Variants in PPP2R5A observed in about 807,000 individuals in gnomAD.
The protein encoded by PPP2R5A is serine/threonine-protein phosphatase 2A 56 kDa regulatory subunit alpha isoform.
A neutral mutation model predicts 64.2 loss-of-function variants in PPP2R5A; 25 were observed. The observed-to-expected ratio is 0.39, with a 90% CI of 0.28 to 0.54. The LOEUF (loss-of-function observed/expected upper bound fraction) is 0.54, where lower values mean the gene tolerates loss of function less well. Ranked by LOEUF, PPP2R5A falls within the 20% of genes least tolerant of loss-of-function variation. The probability of loss-of-function intolerance (pLI) is 0.67; values close to 1 mark genes in which losing one functional copy is unlikely to be tolerated. For missense variants in PPP2R5A, 425 were observed against 576.3 expected (o/e 0.74, Z 2.69); for synonymous variants, 198 against 201.2 (o/e 0.98, Z 0.13).
intron 2 of PPP2R5A, 115 bp from the exon 3 acceptor site, chr1:212,333,382 A>T (rs1012652000): frequency 1.5e-5 from 8 of 550,360 alleles, no homozygotes; most frequent in Non-Finnish European, 2.1e-5. Flanking sequence ...CAGATTTTGA[A>T]CTAAGCTTAC....
intron 1 of PPP2R5A, among the ~76,000 whole-genome samples, chr1:212,295,644 G>C (rs925259522): frequency 6.6e-6 from 1 of 152,168 alleles, no homozygotes; most frequent in Non-Finnish European, 1.5e-5. Flanking sequence ...AGCTGGAGTG[G>C]AGGCCAAAGA....
At chr1:212,315,454 G>A (rs909610843) in intron 1 of PPP2R5A, among the ~76,000 whole-genome samples, 2 of 152,154 alleles carry the variant, frequency 1.3e-5, no homozygotes, top group Admixed American at 1.3e-4. Flanking sequence ...ACCCAAACTT[G>A]TCTTAAAGAC....
At chr1:212,360,206 G>A (rs1394884518) in intron 12 of PPP2R5A, among the ~76,000 whole-genome samples, 1 of 152,194 alleles carries the variant, frequency 6.6e-6, no homozygotes, top group African/African-American at 2.4e-5. Context: ...CTAGAGATGT[G>A]GCTGTTAGTG....
At chr1:212,330,074 T>C (rs1470732535) in intron 2 of PPP2R5A, among the ~76,000 whole-genome samples, 2 of 152,134 alleles carry the variant, frequency 1.3e-5, no homozygotes, top group Non-Finnish European at 2.9e-5. Context: ...AGTTATAATA[T>C]CTGATGTGGA....
chr1:212,312,878 T>G (rs1159220959), intron 1 of PPP2R5A, among the ~76,000 whole-genome samples: 1 of 152,218 alleles, frequency 6.6e-6, no homozygotes, highest in Non-Finnish European at 1.5e-5. Flanking sequence ...TGAGATATTT[T>G]GATAATGTGG....
At chr1:212,310,451 G>T (rs1659007995) in intron 1 of PPP2R5A, among the ~76,000 whole-genome samples, 1 of 152,098 alleles carries the variant, frequency 6.6e-6, no homozygotes, top group Non-Finnish European at 1.5e-5. Context: ...TTGTAAAGAA[G>T]TCAGTTGTTT....
chr1:212,303,933 A>G (rs1369759850), intron 1 of PPP2R5A, among the ~76,000 whole-genome samples: 5 of 152,142 alleles, frequency 3.3e-5, no homozygotes, highest in Admixed American at 6.5e-5. Context: ...CTTGTTTTAT[A>G]TAGTAAGTTT....
In PPP2R5A at chr1:212,345,812, C is replaced by G; in HGVS notation, c.583C>G (p.Leu195Val). ...CAGGTTTCTTTTAAAGCTCCTGGAGCTTTTTGATAGTGAAGATCCCAGAGA... is the reference window on the plus strand; with the variant it reads ...CAGGTTTCTTTTAAAGCTCCTGGAGGTTTTTGATAGTGAAGATCCCAGAGA... ...DQKFVQQLLE[L>V]FDSEDPRERD... Residue 195 changes from leucine to valine, a missense_variant, in exon 5 of 13, where the codon CTT becomes GTT. Around this residue, in one of 4 missense-constraint regions of PPP2R5A, gnomAD observed 140 missense variants for 204.4 expected, o/e 0.68. Transcript: ENST00000261461. 2 of 1,598,058 alleles carry G rather than the reference C, an allele frequency of 1.3e-6. No individual in the cohort carries two copies. Among genetic ancestry groups the G allele is most frequent in the Non-Finnish European group, 1.7e-6 (2 of 1,176,016 alleles).
intron 3 of PPP2R5A, 84 bp from the exon 4 acceptor site, chr1:212,342,104 A>G: frequency 8.7e-6 from 13 of 1,495,344 alleles, no homozygotes; most frequent in Non-Finnish European, 9.9e-6. Flanking sequence ...TTGGTAAGAA[A>G]AGGTGTGTTT....
rs1658487250 is a variant in PPP2R5A, at chr1:212,285,977, G to C, written c.-134G>C. ...GAGGAGAAGCTCGGCGGCGTCCCGGGGCCGGAGGGCCGTGGGGCCGGGGCG... is the reference window on the plus strand; with the variant it reads ...GAGGAGAAGCTCGGCGGCGTCCCGGCGCCGGAGGGCCGTGGGGCCGGGGCG... On this transcript the variant is annotated 5_prime_UTR_variant, in exon 1 of 13. Transcript: ENST00000261461. 1 of 891,076 alleles carries C rather than the reference G, an allele frequency of 1.1e-6. No homozygotes were observed. 55.2% of individuals were successfully genotyped at this position (891,076 alleles called of 1,614,324 possible).
intron 12 of PPP2R5A, 36 bp downstream of exon 12, chr1:212,358,823 A>G (rs1185369051): frequency 1.3e-6 from 2 of 1,521,918 alleles, no homozygotes; most frequent in Non-Finnish European, 1.8e-6. Flanking sequence ...TTATCTATAC[A>G]TTTTATGTTA....
chr1:212,343,988 T>C (rs1047114502), intron 4 of PPP2R5A, among the ~76,000 whole-genome samples: 1 of 152,228 alleles, frequency 6.6e-6, no homozygotes, highest in Admixed American at 6.5e-5. Context: ...TTTAGCAGTT[T>C]ATATGGCTGT....
intron 1 of PPP2R5A, among the ~76,000 whole-genome samples, chr1:212,304,148 G>A (rs574279552): frequency 1.2e-3 from 184 of 152,142 alleles, no homozygotes; most frequent in African/African-American, 4.1e-3. Flanking sequence ...TTGTCTCAAC[G>A]TATTTTTTAT....
chr1:212,329,010 C>T, intron 1 of PPP2R5A, 125 bp from the exon 2 acceptor site: 1 of 613,246 alleles, frequency 1.6e-6, no homozygotes. Flanking sequence ...TATAGATGGG[C>T]ACATTTCTCA....
intron 3 of PPP2R5A, among the ~76,000 whole-genome samples, chr1:212,335,663 A>C (rs2120770): frequency 0.19 from 29,456 of 152,108 alleles, 2,974 homozygotes; most frequent in Middle Eastern, 0.31. Flanking sequence ...ATCTTTCAGC[A>C]CATTAGAGCT....
At chr1:212,322,475 T>C (rs924523484) in intron 1 of PPP2R5A, among the ~76,000 whole-genome samples, 11 of 152,234 alleles carry the variant, frequency 7.2e-5, no homozygotes, top group African/African-American at 2.4e-4. Context: ...ATTTCATAAT[T>C]TTTTAAATAA....
intron 2 of PPP2R5A, among the ~76,000 whole-genome samples, chr1:212,330,034 C>T (rs1331826857): frequency 1.3e-5 from 2 of 152,050 alleles, no homozygotes; most frequent in African/African-American, 2.4e-5. Context: ...TCAGGTATAA[C>T]GCTTTAATTG....
chr1:212,356,573 G>A (rs530679169), intron 8 of PPP2R5A, 53 bp from the exon 9 acceptor site: 44 of 1,528,594 alleles, frequency 2.9e-5, no homozygotes, highest in Non-Finnish European at 3.7e-5. Flanking sequence ...AAAATACGCT[G>A]GGATTAACTA....
At position 212,342,224 on chromosome 1, in the gene PPP2R5A, C is replaced by T. The variant is rs1450048800; in HGVS notation, c.517C>T (p.Pro173Ser). Residue 173 changes from proline (P) to serine (S), a missense_variant, in exon 4 of 13, where the codon CCT becomes TCT. Transcript: ENST00000261461. The part of the protein sequence containing the change: ...YEFFLRFLES[P>S]DFQPSIAKRY... ...ATTCTTCTTGAGATTTTTGGAGAGC[C>T]CTGATTTCCAGCCTAGCATTGCAAA... 2 of 1,613,374 alleles carry T rather than the reference C, an allele frequency of 1.2e-6. No homozygotes were observed. The highest frequency in any genetic ancestry group is 1.7e-6 in the Non-Finnish European group (2 of 1,179,678).
Sources: gnomAD v4.1 joint callset for allele counts (sites outside exome capture counted in the v4.1 genomes callset) on GRCh38, gnomAD v4.1.1 for gene constraint, gnomAD v4.1.1 regional missense constraint, MANE v1.5 for transcripts, NCBI Gene and HGNC (gene_info 2026-07-23, HGNC 2026-07-21) for gene names.